Variants in ASAP2 observed in about 807,000 individuals in gnomAD.
ASAP2 encodes ArfGAP with SH3 domain, ankyrin repeat and PH domain 2, also known as arf-GAP with SH3 domain, ANK repeat and PH domain-containing protein 2.
A neutral mutation model predicts 131.4 loss-of-function variants in ASAP2; 45 were observed. The ratio of observed to expected loss-of-function variants is 0.34; its 90% CI spans 0.27 to 0.44. The LOEUF is 0.44. Among genes scored for constraint, ASAP2 ranks in the 20% least tolerant of loss-of-function variants. ASAP2 has a pLI of 1.00. For missense variants in ASAP2, 1,011 were observed against 1,297.0 expected (o/e 0.78, Z 3.39); for synonymous variants, 510 against 503.0 (o/e 1.01, Z -0.19).
rs888180315 is a variant in ASAP2 at position 9,393,656 on chromosome 2, C to A, written c.2684+9C>A. On this transcript the variant is annotated intron_variant, in intron 24 of 27. Transcript: ENST00000281419. ...AAGAAGCCTGCGCCGGGGTAAGCCA[C>A]CCCCAGCCAGCTCGGCCATCCGTGC... 1 of 1,558,156 alleles carries A rather than the reference C, an allele frequency of 6.4e-7. No individual in the cohort carries two copies. Among genetic ancestry groups the A allele is most frequent in the South Asian group, 1.2e-5 (1 of 85,568 alleles).
rs1436784539 is a variant in ASAP2 at position 9,260,699 on chromosome 2, C to T, written c.127-18618C>T. On this transcript the variant is annotated intron_variant, in intron 1 of 27. Coordinates refer to ENST00000281419, the MANE Select transcript of ASAP2 (RefSeq NM_003887.3). ...CTGGGTTTTTCTCCTCCCTGCTTCCCATTCTACCATAGGGGAATGGGGTCA... is the reference window on the plus strand; with the variant it reads ...CTGGGTTTTTCTCCTCCCTGCTTCCTATTCTACCATAGGGGAATGGGGTCA... 3.3e-5 allele frequency among the ~76,000 whole-genome samples: 5 copies of T among 152,230 alleles called. No homozygotes were observed. The East Asian group carries it at 9.6e-4, about 29-fold the overall frequency.
At chr2:9,236,931 C>G (rs1355576652) in intron 1 of ASAP2, among the ~76,000 whole-genome samples, 1 of 152,148 alleles carries the variant, frequency 6.6e-6, no homozygotes, top group Non-Finnish European at 1.5e-5. Flanking sequence ...AAGATCCCCC[C>G]CGAGGCTGGT....
chr2:9,367,891 A>G (rs1383622070), intron 15 of ASAP2, among the ~76,000 whole-genome samples: 1 of 152,234 alleles, frequency 6.6e-6, no homozygotes, highest in Non-Finnish European at 1.5e-5. Context: ...AAATTTTATC[A>G]ACCCAGAAGT....
At chr2:9,387,736 T>C (rs1675391930) in intron 21 of ASAP2, among the ~76,000 whole-genome samples, 1 of 152,228 alleles carries the variant, frequency 6.6e-6, no homozygotes, top group Admixed American at 6.5e-5. Flanking sequence ...GATTTTTTGG[T>C]ATGTGTGTGT....
chr2:9,370,642 G>A (rs916047287), intron 16 of ASAP2, among the ~76,000 whole-genome samples: 8 of 152,204 alleles, frequency 5.3e-5, no homozygotes, highest in Admixed American at 6.5e-5. Flanking sequence ...GGGCATGAGC[G>A]GGATGATGGG....
At chr2:9,363,034 A>G (rs986342856) in intron 15 of ASAP2, among the ~76,000 whole-genome samples, 11 of 152,198 alleles carry the variant, frequency 7.2e-5, no homozygotes, top group Non-Finnish European at 1.5e-4. Context: ...TTGCATATAA[A>G]TGAGATCTTG....
intron 2 of ASAP2, among the ~76,000 whole-genome samples, chr2:9,280,548 A>T (rs912039570): frequency 6.6e-6 from 1 of 152,238 alleles, no homozygotes; most frequent in African/African-American, 2.4e-5. Flanking sequence ...CAGGAATCCT[A>T]CATCAACAAG....
At chr2:9,358,125 C>G (rs979142474) in intron 14 of ASAP2, among the ~76,000 whole-genome samples, 1 of 152,170 alleles carries the variant, frequency 6.6e-6, no homozygotes, top group Non-Finnish European at 1.5e-5. Context: ...GACCTCGAGC[C>G]TGAGCATCGC....
chr2:9,342,929 A>G (rs1004663542), intron 9 of ASAP2, among the ~76,000 whole-genome samples: 2 of 151,106 alleles, frequency 1.3e-5, no homozygotes, highest in African/African-American at 2.4e-5. Flanking sequence ...CATGTTTAAA[A>G]CTCGCTTTTT....
intron 11 of ASAP2, 144 bp from the exon 12 acceptor site, chr2:9,350,664 C>G (rs1672269383): frequency 6.7e-6 from 4 of 598,726 alleles, no homozygotes; most frequent in Non-Finnish European, 1.1e-5. Context: ...CCCAGTCAAG[C>G]CTTCCTCTGT....
At chr2:9,277,451 C>T (rs1261362801) in intron 1 of ASAP2, among the ~76,000 whole-genome samples, 1 of 152,190 alleles carries the variant, frequency 6.6e-6, no homozygotes, top group Non-Finnish European at 1.5e-5. Context: ...GAGATAACCA[C>T]TTGGGAAAAT....
intron 12 of ASAP2, among the ~76,000 whole-genome samples, chr2:9,354,859 C>T (rs757425299): frequency 1.2e-4 from 19 of 152,156 alleles, no homozygotes; most frequent in Non-Finnish European, 2.1e-4. Flanking sequence ...GGTGGCGTGT[C>T]CACTCACTTT....
At chr2:9,267,846 C>T (rs1666045301) in intron 1 of ASAP2, among the ~76,000 whole-genome samples, 2 of 131,394 alleles carry the variant, frequency 1.5e-5, no homozygotes, top group South Asian at 2.4e-4. Flanking sequence ...TGTAGTGAGT[C>T]GAGAATGCAC....
chr2:9,247,538 G>C (rs904716370), intron 1 of ASAP2, among the ~76,000 whole-genome samples: 1 of 152,184 alleles, frequency 6.6e-6, no homozygotes, highest in East Asian at 1.9e-4. Flanking sequence ...TTATAGAAGG[G>C]TTTTTAAGGC....
At chr2:9,368,100 T>C (rs1673621766) in intron 15 of ASAP2, among the ~76,000 whole-genome samples, 1 of 152,236 alleles carries the variant, frequency 6.6e-6, no homozygotes, top group Non-Finnish European at 1.5e-5. Flanking sequence ...AGATTCACTT[T>C]GGTTGAGGCA....
intron 1 of ASAP2, among the ~76,000 whole-genome samples, chr2:9,220,918 T>C (rs1481392387): frequency 6.6e-6 from 1 of 152,228 alleles, no homozygotes; most frequent in Non-Finnish European, 1.5e-5. Context: ...AAGACTTTTC[T>C]TCTTGAATTC....
chr2:9,339,836 C>T (rs1234860078), intron 9 of ASAP2, among the ~76,000 whole-genome samples: 1 of 152,184 alleles, frequency 6.6e-6, no homozygotes. Flanking sequence ...TGCCTCTCAC[C>T]CACCTCTCTG....
intron 2 of ASAP2, among the ~76,000 whole-genome samples, chr2:9,283,338 T>G (rs1667254677): frequency 6.6e-6 from 1 of 152,182 alleles, no homozygotes; most frequent in Non-Finnish European, 1.5e-5. Context: ...TCGGCCTCCC[T>G]GTAATAGTTT....
chr2:9,338,379 C>T (rs890230352), intron 9 of ASAP2, among the ~76,000 whole-genome samples: 1 of 152,090 alleles, frequency 6.6e-6, no homozygotes, highest in African/African-American at 2.4e-5. Flanking sequence ...CTTGCTCCCT[C>T]TTTTTCAAGC....
Sources: gnomAD v4.1 joint callset for allele counts (sites outside exome capture counted in the v4.1 genomes callset) on GRCh38, gnomAD v4.1.1 for gene constraint, MANE v1.5 for transcripts, NCBI Gene and HGNC (gene_info 2026-07-23, HGNC 2026-07-21) for gene names.